SYNDIG1: variants seen among roughly 807,000 people sequenced by gnomAD.
The protein encoded by SYNDIG1 is synapse differentiation-inducing gene protein 1.
SYNDIG1 carries 9 observed loss-of-function variants against 19.4 expected under a neutral mutation model. The ratio of observed to expected loss-of-function variants is 0.46; its 90% CI spans 0.28 to 0.81. SYNDIG1 has a LOEUF of 0.81. SYNDIG1 is among the 30% of genes least tolerant of loss of function. The pLI, the probability that SYNDIG1 is intolerant of heterozygous loss-of-function variation, is 0.12. For synonymous variants in SYNDIG1, 141 were observed against 145.9 expected, an observed-to-expected ratio of 0.97 and a Z score of 0.24; for missense variants, 311 against 343.3, an observed-to-expected ratio of 0.91 and a Z score of 0.74.
intron 3 of SYNDIG1, among the ~76,000 whole-genome samples, chr20:24,618,784 A>T (rs1461742711): frequency 6.6e-6 from 1 of 151,430 alleles, no homozygotes; most frequent in African/African-American, 2.4e-5. Flanking sequence ...TTTCTCTCTT[A>T]CCTCTTCCCC....
intron 2 of SYNDIG1, among the ~76,000 whole-genome samples, chr20:24,567,602 T>C (rs2058071302): frequency 6.6e-6 from 1 of 152,220 alleles, no homozygotes; most frequent in African/African-American, 2.4e-5. Context: ...TCCTCCTTTC[T>C]GGAGACATCC....
At chr20:24,621,270 G>A (rs1424006939) in intron 3 of SYNDIG1, among the ~76,000 whole-genome samples, 1 of 152,194 alleles carries the variant, frequency 6.6e-6, no homozygotes, top group Admixed American at 6.5e-5. Context: ...TAAAAACAAA[G>A]TGTTGGGAAA....
intron 1 of SYNDIG1, among the ~76,000 whole-genome samples, chr20:24,481,090 G>T (rs563540358): frequency 1.1e-4 from 17 of 152,072 alleles, no homozygotes; most frequent in Non-Finnish European, 1.8e-4. Flanking sequence ...AAATGGTTAC[G>T]ATTATGTAAA....
intron 3 of SYNDIG1, among the ~76,000 whole-genome samples, chr20:24,659,386 C>A (rs1051886261): frequency 1.3e-5 from 2 of 152,226 alleles, no homozygotes; most frequent in African/African-American, 4.8e-5. Flanking sequence ...CCGTCCTCAT[C>A]ATCGTGTGGT....
intron 1 of SYNDIG1, among the ~76,000 whole-genome samples, chr20:24,489,573 GCACA>G (rs1365874806): frequency 6.6e-6 from 1 of 151,948 alleles, no homozygotes; most frequent in African/African-American, 2.4e-5. Flanking sequence ...ACAGACACAG[GCACA>G]CACCACAGTC....
chr20:24,519,840 C>G (rs1292431793), intron 1 of SYNDIG1, among the ~76,000 whole-genome samples: 1 of 140,828 alleles, frequency 7.1e-6, no homozygotes, highest in Non-Finnish European at 1.6e-5. Context: ...CGCGCACATG[C>G]ACACACACAC....
At chr20:24,534,024 T>C (rs543412728) in intron 1 of SYNDIG1, among the ~76,000 whole-genome samples, 65 of 151,866 alleles carry the variant, frequency 4.3e-4, no homozygotes, top group Non-Finnish European at 6.9e-4. Context: ...TGGAAGAAGG[T>C]GAAGGGAAGC....
In SYNDIG1 at chr20:24,639,519, C is replaced by G. The variant is rs558088361; in HGVS notation, c.619-25827C>G. Among the ~76,000 whole-genome samples, 7 of 152,342 alleles carry G rather than the reference C, an allele frequency of 4.6e-5. No individual in the cohort carries two copies. The East Asian group carries it at 1.2e-3, about 25-fold the overall frequency. On this transcript the variant is annotated intron_variant, in intron 3 of 3. Coordinates refer to ENST00000376862, the MANE Select transcript of SYNDIG1 (RefSeq NM_024893.3). ...CCTGCTGTCCCTGCCCTTCAGCTCC[C>G]TAGTGTGAGTGATGGGGACACTGCC...
intron 3 of SYNDIG1, among the ~76,000 whole-genome samples, chr20:24,626,775 G>A (rs1016952984): frequency 2.6e-5 from 4 of 152,356 alleles, no homozygotes; most frequent in East Asian, 1.9e-4. Context: ...CTGCACTCCA[G>A]CCTGGGCACC....
At chr20:24,598,827 G>A (rs1327455832) in intron 3 of SYNDIG1, among the ~76,000 whole-genome samples, 3 of 151,954 alleles carry the variant, frequency 2.0e-5, no homozygotes, top group Admixed American at 6.6e-5. Flanking sequence ...TTCATCATAC[G>A]CAAAAATCAA....
At chr20:24,624,240 A>G (rs1205797701) in intron 3 of SYNDIG1, among the ~76,000 whole-genome samples, 3 of 148,466 alleles carry the variant, frequency 2.0e-5, no homozygotes, top group African/African-American at 7.5e-5. Context: ...CGGGTGACAG[A>G]ATGAGACTCC....
At chr20:24,618,657 G>C (rs2058987447) in intron 3 of SYNDIG1, among the ~76,000 whole-genome samples, 1 of 152,174 alleles carries the variant, frequency 6.6e-6, no homozygotes, top group African/African-American at 2.4e-5. Context: ...TGTTAAAAAT[G>C]TTCCTTCCCA....
At chr20:24,615,465 TCTAA>T (rs1331297631) in intron 3 of SYNDIG1, among the ~76,000 whole-genome samples, 1 of 152,204 alleles carries the variant, frequency 6.6e-6, no homozygotes, top group African/African-American at 2.4e-5. Context: ...GCCACCTCTC[TCTAA>T]CTGCCAGGCC....
intron 1 of SYNDIG1, among the ~76,000 whole-genome samples, chr20:24,510,302 C>G (rs1189806444): frequency 6.6e-6 from 1 of 151,930 alleles, no homozygotes; most frequent in East Asian, 1.9e-4. Context: ...GGCGCAGTGA[C>G]TCACGCCTGT....
At chr20:24,514,349 G>A (rs181464085) in intron 1 of SYNDIG1, among the ~76,000 whole-genome samples, 1 of 152,284 alleles carries the variant, frequency 6.6e-6, no homozygotes, top group Non-Finnish European at 1.5e-5. Context: ...AAAGGGTCAA[G>A]CCTCGTCAGT....
At chr20:24,627,116 G>C (rs1325097146) in intron 3 of SYNDIG1, among the ~76,000 whole-genome samples, 4 of 146,188 alleles carry the variant, frequency 2.7e-5, no homozygotes, top group African/African-American at 1.0e-4. Flanking sequence ...TGGGGAGAGG[G>C]GGACCGTGGG....
intron 2 of SYNDIG1, among the ~76,000 whole-genome samples, chr20:24,558,711 T>G (rs945716500): frequency 2.0e-5 from 3 of 152,232 alleles, no homozygotes; most frequent in Non-Finnish European, 4.4e-5. Flanking sequence ...ATTTTCTTAG[T>G]ATTGTCTCTG....
chr20:24,649,177 T>A (rs537672539), intron 3 of SYNDIG1, among the ~76,000 whole-genome samples: 1 of 152,148 alleles, frequency 6.6e-6, no homozygotes, highest in Non-Finnish European at 1.5e-5. Flanking sequence ...GGAGACATCC[T>A]GTTGAGGAGA....
intron 1 of SYNDIG1, among the ~76,000 whole-genome samples, chr20:24,505,726 G>A (rs1427546462): frequency 6.6e-6 from 1 of 152,212 alleles, no homozygotes; most frequent in Non-Finnish European, 1.5e-5. Context: ...GGACATCAGG[G>A]CACAGTGGAG....
Sources: allele counts gnomAD v4.1 joint callset (sites outside exome capture counted in the v4.1 genomes callset), GRCh38; gene constraint gnomAD v4.1.1; transcripts MANE v1.5; gene names NCBI Gene and HGNC (gene_info 2026-07-23, HGNC 2026-07-21).